GINM1: variants seen among roughly 807,000 people sequenced by gnomAD.
GINM1 encodes glycoprotein integral membrane protein 1.
GINM1 carries 29 observed loss-of-function variants against 37.8 expected under a neutral mutation model. The ratio of observed to expected loss-of-function variants is 0.77; its 90% CI spans 0.57 to 1.05. The LOEUF is 1.05. Ranked by LOEUF, GINM1 falls within the 50% of genes least tolerant of loss-of-function variation. The pLI, the probability that GINM1 is intolerant of heterozygous loss-of-function variation, is 0.00. For missense variants in GINM1, 377 were observed against 397.9 expected (o/e 0.95, Z 0.45); for synonymous variants, 143 against 146.2 (o/e 0.98, Z 0.16).
chr6:149,574,765 G>A (rs1250701302), intron 3 of GINM1, among the ~76,000 whole-genome samples: 1 of 152,168 alleles, frequency 6.6e-6, no homozygotes. Context: ...CTACTTAGGA[G>A]GCTGAGGTGA....
At chr6:149,571,987 A>C (rs1777830223) in intron 1 of GINM1, among the ~76,000 whole-genome samples, 1 of 152,094 alleles carries the variant, frequency 6.6e-6, no homozygotes, top group Non-Finnish European at 1.5e-5. Context: ...AGGCTGAGGC[A>C]GGAGAATTGC....
intron 1 of GINM1, among the ~76,000 whole-genome samples, chr6:149,571,143 C>T (rs1220805881): frequency 2.0e-5 from 3 of 151,858 alleles, no homozygotes; most frequent in African/African-American, 4.8e-5. Context: ...GTGAAACCCC[C>T]GTCTCTACTA....
chr6:149,570,173 TATATATATATATATATATATATATA>T (rs1777793854), intron 1 of GINM1, among the ~76,000 whole-genome samples: 1 of 86,900 alleles, frequency 1.2e-5, no homozygotes, highest in Non-Finnish European at 2.3e-5. Flanking sequence ...TATATATATA[TATATATATATATATATATATATATA>T]AAGTTCAGTA....
At chr6:149,574,106 A>C (rs1777873809) in intron 3 of GINM1, among the ~76,000 whole-genome samples, 1 of 143,956 alleles carries the variant, frequency 6.9e-6, no homozygotes, top group East Asian at 2.1e-4. Context: ...GCTGGAATGC[A>C]GTGGCGCGAT....
chr6:149,571,548 TAG>T (rs532002308), intron 1 of GINM1, among the ~76,000 whole-genome samples: 1 of 151,968 alleles, frequency 6.6e-6, no homozygotes, highest in African/African-American at 2.4e-5. Flanking sequence ...ACATATTGTT[TAG>T]AGAGAGAGAC....
At chr6:149,572,045 C>T (rs895492643) in intron 1 of GINM1, among the ~76,000 whole-genome samples, 1 of 151,802 alleles carries the variant, frequency 6.6e-6, no homozygotes, top group Non-Finnish European at 1.5e-5. Context: ...TGCGGTACTG[C>T]ACTCCAGCCT....
At chr6:149,577,054 G>A (rs759526679) in intron 3 of GINM1, among the ~76,000 whole-genome samples, 69 of 152,150 alleles carry the variant, frequency 4.5e-4, no homozygotes, top group Non-Finnish European at 7.9e-4. Flanking sequence ...GTGGGGTGCC[G>A]TAACCCCAAG....
In GINM1 at chr6:149,572,326, G is replaced by T. The variant is rs773278724; in HGVS notation, c.162G>T (p.Gly54=). The T allele has an allele frequency of 2.5e-6, 4 of 1,599,642 alleles. No homozygotes were observed. The highest frequency in any genetic ancestry group is 3.4e-6 in the Non-Finnish European group (4 of 1,172,358). The change falls in exon 2 of 8, where the codon GGG becomes GGT. Residue 54 remains glycine (G), a synonymous_variant. Coordinates refer to ENST00000367419, the MANE Select transcript of GINM1 (RefSeq NM_138785.5). ...ATGTAACTACACTGAAAGATGATGG[G>T]GACATATCTAAACAGCAGGTTTGTC... The part of the protein sequence containing the change: ...RINVTTLKDD[G]DISKQQVVLN...
At chr6:149,587,500 T>A (rs1778090635) in intron 7 of GINM1, among the ~76,000 whole-genome samples, 1 of 152,108 alleles carries the variant, frequency 6.6e-6, no homozygotes, top group Non-Finnish European at 1.5e-5. Context: ...GCTTGGGACG[T>A]CTTTGGGGCG....
chr6:149,587,718 G>T (rs893240194), intron 7 of GINM1, among the ~76,000 whole-genome samples: 3 of 152,116 alleles, frequency 2.0e-5, no homozygotes, highest in Admixed American at 2.0e-4. Flanking sequence ...GTCCTTTTGG[G>T]TTCTTTTGCA....
At chr6:149,575,108 A>G (rs1004325949) in intron 3 of GINM1, among the ~76,000 whole-genome samples, 4 of 151,968 alleles carry the variant, frequency 2.6e-5, no homozygotes, top group Admixed American at 6.6e-5. Flanking sequence ...ATTCCTTCCT[A>G]TCTGTGCTCC....
At chr6:149,573,481 A>G (rs1413383930) in intron 3 of GINM1, among the ~76,000 whole-genome samples, 1 of 152,188 alleles carries the variant, frequency 6.6e-6, no homozygotes, top group Non-Finnish European at 1.5e-5. Flanking sequence ...TAATGTGTTT[A>G]AAACTCTGTT....
intron 1 of GINM1, among the ~76,000 whole-genome samples, chr6:149,569,191 G>C (rs989346501): frequency 6.6e-6 from 1 of 151,708 alleles, no homozygotes; most frequent in Non-Finnish European, 1.5e-5. Context: ...CCGCCACTGC[G>C]CCCAGCTAAT....
rs375497080 is a variant in GINM1, at chr6:149,579,912, C to T, written c.508C>T (p.Pro170Ser). The change falls in exon 5 of 8, where the codon CCT becomes TCT. Residue 170 changes from proline to serine, a missense_variant. By Grantham distance (74) the Pro-to-Ser change is moderately conservative. Transcript: ENST00000367419. ...GVLRHSNYTL[P>S]LEESMLYSIS... ...ACTCAGACATTCAAACTATACCCTC[C>T]CTTTGGAAGAAAGCATGCTCTACTC... 2.5e-6 allele frequency: 4 copies of T among 1,608,320 alleles called. No homozygotes were observed. Among genetic ancestry groups the T allele is most frequent in the African/African-American group, 1.3e-5 (1 of 74,720 alleles).
At chr6:149,570,394 C>G (rs1006053957) in intron 1 of GINM1, among the ~76,000 whole-genome samples, 5 of 151,790 alleles carry the variant, frequency 3.3e-5, no homozygotes, top group African/African-American at 7.3e-5. Flanking sequence ...CTATCAATCT[C>G]ATAGCTCATT....
At chr6:149,590,480 C>G (rs1778138111) in intron 7 of GINM1, among the ~76,000 whole-genome samples, 1 of 152,198 alleles carries the variant, frequency 6.6e-6, no homozygotes, top group Non-Finnish European at 1.5e-5. Flanking sequence ...GAGATCTATA[C>G]TTACCCTATT....
At position 149,566,552 on chromosome 6, in the gene GINM1, T is replaced by C. The variant is rs2115052608; in HGVS notation, c.120+18T>C. The stretch of plus-strand genomic sequence containing the variant: ...CCCCACAGGTAGGGCAGGGCGGGCC[T>C]GGCTGGCCGCTTTACGACTCCGACT... On this transcript the variant is annotated intron_variant, in intron 1 of 7. Transcript: ENST00000367419. This position sits in a 1 kb window ranked among gnomAD's most constrained non-coding sequence, Gnocchi z 4.4. 6.7e-7 allele frequency: 1 copy of C among 1,482,294 alleles called. No individual in the cohort carries two copies. Among genetic ancestry groups the C allele is most frequent in the Non-Finnish European group, 8.9e-7 (1 of 1,120,038 alleles). 91.8% of individuals were successfully genotyped at this position (1,482,294 alleles called of 1,614,324 possible).
At chr6:149,587,977 T>A (rs922191299) in intron 7 of GINM1, among the ~76,000 whole-genome samples, 1 of 152,218 alleles carries the variant, frequency 6.6e-6, no homozygotes, top group Non-Finnish European at 1.5e-5. Context: ...CCAGAGGAAC[T>A]TACAAGTCAT....
In GINM1 at chr6:149,579,344, A is replaced by G. The variant is rs377496601; in HGVS notation, c.429+371A>G. 2.6e-5 allele frequency among the ~76,000 whole-genome samples: 4 copies of G among 152,280 alleles called. No homozygotes were observed. In the East Asian group the frequency reaches 5.8e-4, roughly 22 times the overall value. On this transcript the variant is annotated intron_variant, in intron 4 of 7. Coordinates refer to ENST00000367419, the MANE Select transcript of GINM1 (RefSeq NM_138785.5). ...TAGTAAGTGTTAAAGCAGGACAGGAATATTATTAAAGTTGCAAGTTAAGTG... is the reference window on the plus strand; with the variant it reads ...TAGTAAGTGTTAAAGCAGGACAGGAGTATTATTAAAGTTGCAAGTTAAGTG...
Sources: allele counts gnomAD v4.1 joint callset (sites outside exome capture counted in the v4.1 genomes callset), GRCh38; gene constraint gnomAD v4.1.1; non-coding constraint Gnocchi (gnomAD v3.1); transcripts MANE v1.5; gene names NCBI Gene and HGNC (gene_info 2026-07-23, HGNC 2026-07-21).